HTR7: variants seen among roughly 807,000 people sequenced by gnomAD.
The protein encoded by HTR7 is 5-hydroxytryptamine receptor 7.
Under a neutral mutation model 34.0 loss-of-function variants are expected in HTR7, and 16 were observed. The ratio of observed to expected loss-of-function variants is 0.47; its 90% CI spans 0.32 to 0.71. The LOEUF (loss-of-function observed/expected upper bound fraction) is 0.71. HTR7 is among the 30% of genes least tolerant of loss of function. HTR7 has a pLI of 0.04. For missense variants in HTR7, 504 were observed against 625.5 expected (o/e 0.81, Z 2.07); for synonymous variants, 265 against 260.2 (o/e 1.02, Z -0.18).
chr10:90,754,579 C>A (rs1007955891), intron 1 of HTR7, among the ~76,000 whole-genome samples: 9 of 152,060 alleles, frequency 5.9e-5, no homozygotes, highest in Non-Finnish European at 1.2e-4. Flanking sequence ...GACGAAAGCA[C>A]TGAAGTATTA....
At chr10:90,850,509 C>T (rs141562557) in intron 1 of HTR7, among the ~76,000 whole-genome samples, 1 of 152,284 alleles carries the variant, frequency 6.6e-6, no homozygotes, top group East Asian at 1.9e-4. Flanking sequence ...ATTTGCTAGG[C>T]ATGCCAAGAC....
Position 90,835,339 on chromosome 10 carries a change from T to C in HTR7, c.539+21794A>G, listed in dbSNP as rs540768444. On this transcript the variant is annotated intron_variant, in intron 1 of 3. Coordinates refer to ENST00000336152, the MANE Select transcript of HTR7 (RefSeq NM_019859.4). ...ATGACAGAACATCCTGGGAATGAAA[T>C]TGGCAGTGTCCTCATAAATCACATA... Among the ~76,000 whole-genome samples the C allele has an allele frequency of 2.0e-5, 3 of 152,250 alleles. No individual in the cohort carries two copies. In the South Asian group the frequency reaches 6.2e-4, roughly 32 times the overall value.
chr10:90,806,790 T>C (rs1845713708), intron 1 of HTR7, among the ~76,000 whole-genome samples: 1 of 152,068 alleles, frequency 6.6e-6, no homozygotes, highest in Non-Finnish European at 1.5e-5. Context: ...CTATAATAGC[T>C]AAAACAAAAG....
intron 1 of HTR7, among the ~76,000 whole-genome samples, chr10:90,835,947 T>C (rs1846246226): frequency 6.6e-6 from 1 of 152,134 alleles, no homozygotes; most frequent in African/African-American, 2.4e-5. Context: ...GGAGAACATA[T>C]GACAGGAAGT....
At chr10:90,756,227 A>G (rs1844831205) in intron 1 of HTR7, among the ~76,000 whole-genome samples, 1 of 152,224 alleles carries the variant, frequency 6.6e-6, no homozygotes, top group South Asian at 2.1e-4. Flanking sequence ...GTGCAGGAGG[A>G]AAGCTTGGAG....
At chr10:90,831,350 G>A (rs1462945207) in intron 1 of HTR7, among the ~76,000 whole-genome samples, 2 of 152,018 alleles carry the variant, frequency 1.3e-5, no homozygotes, top group Admixed American at 6.5e-5. Context: ...GAGTGAAGCT[G>A]CAGACCTTGG....
At chr10:90,829,321 T>A (rs952982430) in intron 1 of HTR7, among the ~76,000 whole-genome samples, 2 of 152,216 alleles carry the variant, frequency 1.3e-5, no homozygotes, top group Non-Finnish European at 2.9e-5. Context: ...GAAAACCTTT[T>A]CTCTAAGATC....
In HTR7 at chr10:90,804,472, G is replaced by C. The variant is rs566443410; in HGVS notation, c.539+52661C>G. 1.2e-3 allele frequency among the ~76,000 whole-genome samples: 180 copies of C among 152,246 alleles called. 1 individual carries two copies. Among genetic ancestry groups the C allele is most frequent in the African/African-American group, 4.1e-3 (172 of 41,536 alleles). On this transcript the variant is annotated intron_variant, in intron 1 of 3. Transcript: ENST00000336152. Reference sequence around the variant, plus strand: ...GCTAGAATGTGCCATGGGCTGGTACGGGTTCATTCCTGCCAGCGCCTAAAG... The same window carrying C: ...GCTAGAATGTGCCATGGGCTGGTACCGGTTCATTCCTGCCAGCGCCTAAAG...
At chr10:90,833,809 T>G (rs1846213919) in intron 1 of HTR7, among the ~76,000 whole-genome samples, 1 of 152,196 alleles carries the variant, frequency 6.6e-6, no homozygotes, top group Non-Finnish European at 1.5e-5. Context: ...TTTGAAAATA[T>G]GAAACTTACA....
chr10:90,748,850 A>G lies in HTR7; in HGVS notation c.1284T>C (p.Pro428=). ...ATAAATGACCTTACAGCACAAACTC[A>G]GGTCTCTCTGGCCTCTCAGCAAGCT... The part of the protein sequence containing the change: ...ALKLAERPER[P]EFVLRACTRR... The change falls in exon 2 of 4, where the codon CCT becomes CCC. Residue 428 remains proline, a synonymous_variant. Transcript: ENST00000336152. The G allele has an allele frequency of 1.2e-6, 2 of 1,612,418 alleles. No homozygotes were observed. The highest frequency in any genetic ancestry group is 1.7e-6 in the Non-Finnish European group (2 of 1,179,358).
chr10:90,836,866 A>T (rs542007241), intron 1 of HTR7, among the ~76,000 whole-genome samples: 6 of 152,332 alleles, frequency 3.9e-5, no homozygotes, highest in Admixed American at 3.9e-4. Flanking sequence ...TTCTATCATC[A>T]TGAGGAATAT....
At chr10:90,779,051 A>G (rs1463653558) in intron 1 of HTR7, among the ~76,000 whole-genome samples, 1 of 152,186 alleles carries the variant, frequency 6.6e-6, no homozygotes, top group Non-Finnish European at 1.5e-5. Flanking sequence ...AACCACCATG[A>G]AGGGAGAGAA....
chr10:90,743,996 C>G, intron 2 of HTR7: 1 of 533,886 alleles, frequency 1.9e-6, no homozygotes, highest in Non-Finnish European at 3.7e-6. Flanking sequence ...GGAGTAGGAA[C>G]AGTCTTACAG....
At chr10:90,855,123 T>C (rs1368405774) in intron 1 of HTR7, among the ~76,000 whole-genome samples, 1 of 152,246 alleles carries the variant, frequency 6.6e-6, no homozygotes, top group East Asian at 1.9e-4. Flanking sequence ...AAAATAATTT[T>C]TAAGCAGAAT....
chr10:90,844,726 C>CAAAAAAAAAAAAA (rs71025328), intron 1 of HTR7, among the ~76,000 whole-genome samples: 1 of 39,476 alleles, frequency 2.5e-5, no homozygotes, highest in African/African-American at 9.0e-5. Flanking sequence ...GACTCCGTCT[C>CAAAAAAAAAAAAA]AAAAAAAAAA....
intron 1 of HTR7, among the ~76,000 whole-genome samples, chr10:90,810,920 C>T (rs1349932696): frequency 6.6e-6 from 1 of 152,172 alleles, no homozygotes; most frequent in Non-Finnish European, 1.5e-5. Context: ...ATCTCTCAAA[C>T]CCCAACACCT....
intron 1 of HTR7, among the ~76,000 whole-genome samples, chr10:90,830,899 C>G (rs936556046): frequency 1.3e-5 from 2 of 152,210 alleles, no homozygotes; most frequent in Non-Finnish European, 2.9e-5. Flanking sequence ...GTGCCACTCA[C>G]TAGTCTTTCC....
chr10:90,827,518 G>GA (rs144180724), intron 1 of HTR7, among the ~76,000 whole-genome samples: 9,472 of 151,234 alleles, frequency 0.063, 368 homozygotes, highest in African/African-American at 0.1. Flanking sequence ...CACATAAACT[G>GA]AAAAAAAAGA....
chr10:90,847,511 G>A (rs1846428346), intron 1 of HTR7, among the ~76,000 whole-genome samples: 1 of 152,126 alleles, frequency 6.6e-6, no homozygotes, highest in African/African-American at 2.4e-5. Context: ...GATGAGCAAG[G>A]ATAACTTCCT....
Sources: gnomAD v4.1 joint callset for allele counts (sites outside exome capture counted in the v4.1 genomes callset) on GRCh38, gnomAD v4.1.1 for gene constraint, MANE v1.5 for transcripts, NCBI Gene and HGNC (gene_info 2026-07-23, HGNC 2026-07-21) for gene names.